XKR4: variants seen among roughly 807,000 people sequenced by gnomAD.
XKR4 encodes XK related 4.
A neutral mutation model predicts 53.9 loss-of-function variants in XKR4; 12 were observed. That is an observed-to-expected ratio of 0.22 (90% CI 0.14 to 0.36). The LOEUF (loss-of-function observed/expected upper bound fraction) is 0.36. Among genes scored for constraint, XKR4 ranks in the 10% least tolerant of loss-of-function variants. The pLI is 1.00. For missense variants in XKR4, 799 were observed against 859.5 expected, an observed-to-expected ratio of 0.93 and a Z score of 0.88; for synonymous variants, 354 against 362.4, an observed-to-expected ratio of 0.98 and a Z score of 0.26.
chr8:55,131,388 C>G (rs1207594315), intron 1 of XKR4, among the ~76,000 whole-genome samples: 2 of 152,162 alleles, frequency 1.3e-5, no homozygotes, highest in African/African-American at 4.8e-5. Flanking sequence ...TTCTAACAGG[C>G]CTTCTCTACT....
At chr8:55,451,421 G>T in intron 2 of XKR4, 1 of 1,136,832 alleles carries the variant, frequency 8.8e-7, no homozygotes, top group South Asian at 1.3e-5. Flanking sequence ...CTGGAGTAGC[G>T]GGGCATGGAG....
intron 2 of XKR4, among the ~76,000 whole-genome samples, chr8:55,430,273 A>G (rs1484251543): frequency 6.6e-6 from 1 of 152,194 alleles, no homozygotes; most frequent in Non-Finnish European, 1.5e-5. Context: ...TTAAAATAGC[A>G]TATGACCAAG....
chr8:55,248,428 C>T (rs546979962), intron 1 of XKR4, among the ~76,000 whole-genome samples: 57 of 152,208 alleles, frequency 3.7e-4, no homozygotes, highest in Non-Finnish European at 6.8e-4. Flanking sequence ...CATTAGCAGA[C>T]GTGTAAGCCA....
At position 55,105,747 on chromosome 8, in the gene XKR4, G is replaced by C. The variant is rs140119097; in HGVS notation, c.806+2453G>C. On this transcript the variant is annotated intron_variant, in intron 1 of 2. Transcript: ENST00000327381. ...CTAAGACTAATCAGCATCATTTTCT[G>C]TTTATGAAGTATATTTTTCAAAAAA... 1.6e-4 allele frequency among the ~76,000 whole-genome samples: 25 copies of C among 152,188 alleles called. 1 individual carries two copies. In the East Asian group the frequency reaches 4.8e-3, roughly 29 times the overall value.
chr8:55,349,062 C>G (rs1449852055), intron 1 of XKR4, among the ~76,000 whole-genome samples: 1 of 152,100 alleles, frequency 6.6e-6, no homozygotes, highest in East Asian at 1.9e-4. Flanking sequence ...TGATTTTACT[C>G]CTGAAAAAAA....
chr8:55,268,195 C>T (rs773935897), intron 1 of XKR4, among the ~76,000 whole-genome samples: 6 of 152,058 alleles, frequency 3.9e-5, no homozygotes, highest in South Asian at 4.1e-4. Flanking sequence ...GAGATTAAAA[C>T]GAATGGAGAG....
chr8:55,487,999 A>G (rs552318837), intron 2 of XKR4, among the ~76,000 whole-genome samples: 2 of 152,216 alleles, frequency 1.3e-5, no homozygotes, highest in Non-Finnish European at 2.9e-5. Context: ...AATTTTAATC[A>G]TTCAGGATTG....
At chr8:55,286,556 T>C (rs913758970) in intron 1 of XKR4, among the ~76,000 whole-genome samples, 4 of 152,172 alleles carry the variant, frequency 2.6e-5, no homozygotes, top group African/African-American at 9.7e-5. Context: ...GAGGCAGCAG[T>C]GAGCGTCCCT....
chr8:55,316,569 T>C (rs528956021), intron 1 of XKR4, among the ~76,000 whole-genome samples: 4 of 152,304 alleles, frequency 2.6e-5, no homozygotes, highest in Admixed American at 1.3e-4. Context: ...AGAAAGATGG[T>C]TTACAGAACA....
intron 1 of XKR4, among the ~76,000 whole-genome samples, chr8:55,249,649 A>G (rs903606560): frequency 6.6e-6 from 1 of 152,258 alleles, no homozygotes; most frequent in Non-Finnish European, 1.5e-5. Context: ...CATCAAATGC[A>G]GCATCAGTTG....
chr8:55,127,531 G>A (rs998278181), intron 1 of XKR4, among the ~76,000 whole-genome samples: 5 of 150,550 alleles, frequency 3.3e-5, no homozygotes, highest in African/African-American at 7.3e-5. Context: ...GGGATTACAG[G>A]CGTGAGCCAC....
At chr8:55,123,379 A>G (rs757311232) in intron 1 of XKR4, among the ~76,000 whole-genome samples, 61 of 152,194 alleles carry the variant, frequency 4.0e-4, no homozygotes, top group Non-Finnish European at 8.2e-4. Flanking sequence ...GATGCCCAGG[A>G]CGTTCCCATG....
chr8:55,171,833 C>T lies in XKR4; in HGVS notation c.806+68539C>T, dbSNP rs142668164. Among the ~76,000 whole-genome samples, 33 of 152,238 alleles carry T rather than the reference C, an allele frequency of 2.2e-4. No individual in the cohort carries two copies. The East Asian group carries it at 4.8e-3, about 22-fold the overall frequency. On this transcript the variant is annotated intron_variant, in intron 1 of 2. Transcript: ENST00000327381. ...TTCCCTGTTCTCCATCTGTGCCTCCCGAGTCCAGATCCCCATCGTCCATCA... is the reference window on the plus strand; with the variant it reads ...TTCCCTGTTCTCCATCTGTGCCTCCTGAGTCCAGATCCCCATCGTCCATCA...
chr8:55,258,024 G>C (rs1296971910), intron 1 of XKR4, among the ~76,000 whole-genome samples: 1 of 152,286 alleles, frequency 6.6e-6, no homozygotes, highest in Middle Eastern at 3.4e-3. Context: ...CCAGTGCTGA[G>C]TCCTGAGCTG....
At chr8:55,362,204 G>A (rs1416273429) in intron 2 of XKR4, among the ~76,000 whole-genome samples, 1 of 152,188 alleles carries the variant, frequency 6.6e-6, no homozygotes, top group Non-Finnish European at 1.5e-5. Flanking sequence ...TTCTCACTGA[G>A]TAGGTCTCAG....
At chr8:55,419,213 C>A (rs777061730) in intron 2 of XKR4, among the ~76,000 whole-genome samples, 2 of 151,996 alleles carry the variant, frequency 1.3e-5, no homozygotes, top group African/African-American at 2.4e-5. Flanking sequence ...GGTGAAACCC[C>A]GTCTCTACTA....
chr8:55,366,200 C>A (rs1326001608), intron 2 of XKR4, among the ~76,000 whole-genome samples: 1 of 152,252 alleles, frequency 6.6e-6, no homozygotes, highest in Non-Finnish European at 1.5e-5. Flanking sequence ...TTGGCAGAAC[C>A]CACCGGGCAG....
At chr8:55,103,750 T>A (rs1051020210) in intron 1 of XKR4, among the ~76,000 whole-genome samples, 6 of 150,804 alleles carry the variant, frequency 4.0e-5, no homozygotes, top group Admixed American at 2.6e-4. Flanking sequence ...CTAATTCTAG[T>A]GAAATGGGAG....
At chr8:55,132,548 A>G (rs1237243716) in intron 1 of XKR4, among the ~76,000 whole-genome samples, 1 of 152,216 alleles carries the variant, frequency 6.6e-6, no homozygotes, top group Non-Finnish European at 1.5e-5. Context: ...AAAATATCTT[A>G]CTGTACTGTA....
Sources: allele counts gnomAD v4.1 joint callset (sites outside exome capture counted in the v4.1 genomes callset), GRCh38; gene constraint gnomAD v4.1.1; transcripts MANE v1.5; gene names NCBI Gene and HGNC (gene_info 2026-07-23, HGNC 2026-07-21).